ZNF7: variants seen among roughly 807,000 people sequenced by gnomAD.
ZNF7 encodes the protein zinc finger protein 7.
A neutral mutation model predicts 12.0 loss-of-function variants in ZNF7; 10 were observed. The observed-to-expected ratio is 0.83, with a 90% CI of 0.51 to 1.42. ZNF7 has a LOEUF of 1.42. ZNF7 is among the 40% of genes most tolerant of loss of function. The pLI, the probability that ZNF7 is intolerant of heterozygous loss-of-function variation, is 0.00. For missense variants in ZNF7, 854 were observed against 837.2 expected (o/e 1.02, Z -0.25); for synonymous variants, 334 against 295.0 (o/e 1.13, Z -1.35).
intron 3 of ZNF7, chr8:144,837,076 C>T (rs1340818603): frequency 4.5e-6 from 1 of 223,968 alleles, no homozygotes; most frequent in Non-Finnish European, 8.8e-6. Context: ...GAAGCTTGGG[C>T]TTCTCCTTCT....
At chr8:144,832,250 T>C (rs58415394) in intron 3 of ZNF7, among the ~76,000 whole-genome samples, 83,697 of 83,704 alleles carry the variant, frequency 1, 41,845 homozygotes, top group Middle Eastern at 1. Flanking sequence ...CCTGTCTTTA[T>C]TAAAATGCAA....
intron 4 of ZNF7, among the ~76,000 whole-genome samples, chr8:144,839,936 C>T (rs1829647372): frequency 6.6e-6 from 1 of 152,190 alleles, no homozygotes; most frequent in African/African-American, 2.4e-5. Flanking sequence ...TCTGCCGCTG[C>T]TCTTTATTTT....
Position 144,837,894 on chromosome 8 carries a change from G to A in ZNF7, c.247+387G>A, listed in dbSNP as rs1388615973. On this transcript the variant is annotated intron_variant, in intron 4 of 4. Coordinates refer to ENST00000532777, the MANE Select transcript of ZNF7 (RefSeq NM_003416.4). ...TCCTCGGGTAAGCATATTCCCTGAG[G>A]CAGCTCCCTTCAGACCCTCTCAGGC... The A allele has an allele frequency of 1.2e-5, 7 of 586,098 alleles. No individual in the cohort carries two copies. In the Admixed American group the frequency reaches 1.5e-4, roughly 12 times the overall value. 36.3% of individuals were successfully genotyped at this position (586,098 alleles called of 1,614,324 possible).
chr8:144,837,690 G>GA (rs764936116), intron 4 of ZNF7, among the ~76,000 whole-genome samples, 183 bp downstream of exon 4: 3 of 152,172 alleles, frequency 2.0e-5, no homozygotes, highest in East Asian at 1.9e-4. Flanking sequence ...GCTGCCTTGG[G>GA]AGAGGCCAAA....
In ZNF7 at chr8:144,829,698, G is replaced by A. The variant is rs878944113; in HGVS notation, c.130+94G>A. 70 of 1,475,264 alleles carry A rather than the reference G, an allele frequency of 4.7e-5. No individual in the cohort carries two copies. The South Asian group carries it at 5.3e-4, about 11-fold the overall frequency. The allele number at this position is 1,475,264 out of a possible 1,614,324, so 91.4% of individuals were successfully genotyped here. ...AGAGGCTGGGGTATGCAGGCCAAAC[G>A]CTCAGACCCTTGTGGGCTCCACAGG... On this transcript the variant is annotated intron_variant, in intron 3 of 4. Coordinates refer to ENST00000532777, the MANE Select transcript of ZNF7 (RefSeq NM_003416.4).
chr8:144,833,053 C>G (rs566145083), intron 3 of ZNF7, among the ~76,000 whole-genome samples: 1 of 152,212 alleles, frequency 6.6e-6, no homozygotes, highest in East Asian at 1.9e-4. Context: ...CAAAAATTAG[C>G]TGGGTGTGGT....
chr8:144,828,210 C>T (rs1253993388), intron 1 of ZNF7, among the ~76,000 whole-genome samples: 2 of 152,146 alleles, frequency 1.3e-5, no homozygotes, highest in African/African-American at 4.8e-5. Flanking sequence ...GACTCTTTTT[C>T]CCATTCCGAC....
At chr8:144,844,805 A>C (rs1268884520), downstream of ZNF7, among the ~76,000 whole-genome samples, 1 of 149,248 alleles carries the variant, frequency 6.7e-6, no homozygotes, top group South Asian at 2.2e-4. Context: ...AGGGGTGATG[A>C]GAGGGAGTGG....
At chr8:144,837,283 C>A in intron 3 of ZNF7, 108 bp from the exon 4 acceptor site, 1 of 902,370 alleles carries the variant, frequency 1.1e-6, no homozygotes, top group Non-Finnish European at 1.7e-6. Flanking sequence ...TTGGCCTGTG[C>A]CTTGTAGCCC....
intron 4 of ZNF7, 122 bp from the exon 5 acceptor site, chr8:144,841,232 TG>T: frequency 2.0e-6 from 2 of 978,226 alleles, no homozygotes; most frequent in Non-Finnish European, 3.0e-6. Context: ...CGTTTCCACC[TG>T]GGGCCTCACA....
intron 4 of ZNF7, chr8:144,838,292 T>G (rs1023721037): frequency 8.5e-6 from 5 of 585,832 alleles, no homozygotes; most frequent in Middle Eastern, 2.7e-4. Flanking sequence ...CTAATTAATC[T>G]GCAACGACTG....
At chr8:144,833,742 T>TAATACTACAAG (rs1176071216) in intron 3 of ZNF7, 1 of 152,134 alleles carries the variant, frequency 6.6e-6, no homozygotes, top group Non-Finnish European at 1.5e-5. Context: ...TAGTGTTTCT[T>TAATACTACAAG]AATACTACAA....
rs188252750 is a variant in ZNF7 at position 144,843,103 on chromosome 8, G to A, written c.1996G>A (p.Asp666Asn). 6.2e-7 allele frequency: 1 copy of A among 1,612,490 alleles called. No homozygotes were observed. Among genetic ancestry groups the A allele is most frequent in the East Asian group, 2.2e-5 (1 of 44,878 alleles). ...HTGEKPYKCN[D>N]CGKAFNRSSR... ...CGGGGAGAAGCCTTATAAATGCAATGACTGTGGCAAAGCTTTTAATCGTAG... is the reference window on the plus strand; with the variant it reads ...CGGGGAGAAGCCTTATAAATGCAATAACTGTGGCAAAGCTTTTAATCGTAG... The change falls in exon 5 of 5, where the codon GAC (aspartate) becomes AAC (asparagine). Residue 666 changes from aspartate (D) to asparagine (N), a missense_variant. Asp to Asn is a conservative substitution (Grantham distance 23). Transcript: ENST00000532777.
chr8:144,829,904 A>G (rs1046354812), intron 3 of ZNF7: 30 of 230,344 alleles, frequency 1.3e-4, no homozygotes, highest in Admixed American at 4.3e-4. Context: ...AAGAGAAATT[A>G]TTGGGTGGAG....
rs142872514 is a variant in ZNF7, at chr8:144,842,356, G to C, written c.1249G>C (p.Glu417Gln). ...HAVEKPFKCD[E>Q]CGKAFRWISR... ...TGTAGAGAAACCATTTAAGTGTGAT[G>C]AGTGTGGGAAAGCTTTTAGGTGGAT... Residue 417 changes from glutamate (E) to glutamine (Q), a missense_variant, in exon 5 of 5, where the codon GAG becomes CAG. Glu to Gln is a conservative substitution (Grantham distance 29). Transcript: ENST00000532777. 1.1e-5 allele frequency: 18 copies of C among 1,614,018 alleles called. No individual in the cohort carries two copies. The highest frequency in any genetic ancestry group is 1.5e-5 in the Non-Finnish European group (18 of 1,180,044).
chr8:144,827,561 T>C lies in ZNF7; in HGVS notation c.-94T>C, dbSNP rs987160409. 16 of 985,478 alleles carry C rather than the reference T, an allele frequency of 1.6e-5. No individual in the cohort carries two copies. The African/African-American group carries it at 2.6e-4, about 16-fold the overall frequency. 61.0% of individuals were successfully genotyped at this position (985,478 alleles called of 1,614,324 possible). On this transcript the variant is annotated 5_prime_UTR_variant, in exon 1 of 5. Coordinates refer to ENST00000532777, the MANE Select transcript of ZNF7 (RefSeq NM_003416.4). ...GGCGGACGCGGGTGGCCAAGGCCCG[T>C]TTCCGGCGGCGTCGCGCGTTTGCGA...
chr8:144,838,522 A>C, intron 4 of ZNF7: 2 of 187,766 alleles, frequency 1.1e-5, no homozygotes, highest in South Asian at 1.4e-4. Flanking sequence ...GAAGCCCCTC[A>C]CCTCCCTTTC....
chr8:144,834,572 G>T (rs1828783556), intron 3 of ZNF7: 2 of 151,914 alleles, frequency 1.3e-5, no homozygotes, highest in South Asian at 4.2e-4. Context: ...CTTTATTAAT[G>T]CAGGAAATTA....
At chr8:144,841,333 T>C in intron 4 of ZNF7, 22 bp from the exon 5 acceptor site, 1 of 1,583,724 alleles carries the variant, frequency 6.3e-7, no homozygotes, top group Non-Finnish European at 8.6e-7. Context: ...CTAAGGAACG[T>C]CTTTGTTCCT....
Sources: gnomAD v4.1 joint callset for allele counts (sites outside exome capture counted in the v4.1 genomes callset) on GRCh38, gnomAD v4.1.1 for gene constraint, MANE v1.5 for transcripts, NCBI Gene and HGNC (gene_info 2026-07-23, HGNC 2026-07-21) for gene names.